The following FCHSD2 variants were observed in gnomAD, a reference collection of about 807,000 sequenced individuals.
The protein encoded by FCHSD2 is F-BAR and double SH3 domains protein 2.
Under a neutral mutation model 108.1 loss-of-function variants are expected in FCHSD2, and 38 were observed. The observed-to-expected ratio is 0.35, with a 90% CI of 0.27 to 0.46. The LOEUF is 0.46. Among genes scored for constraint, FCHSD2 ranks in the 20% least tolerant of loss-of-function variants. The pLI is 1.00. For synonymous variants in FCHSD2, 279 were observed against 314.7 expected, an observed-to-expected ratio of 0.89 and a Z score of 1.20; for missense variants, 751 against 897.8, an observed-to-expected ratio of 0.84 and a Z score of 2.09.
chr11:72,973,126 T>C (rs1399781572), intron 8 of FCHSD2, among the ~76,000 whole-genome samples: 1 of 152,068 alleles, frequency 6.6e-6, no homozygotes, highest in African/African-American at 2.4e-5. Flanking sequence ...CCCAGCACCT[T>C]GGAGGCCAAG....
At chr11:73,061,875 G>A (rs1859172685) in intron 3 of FCHSD2, among the ~76,000 whole-genome samples, 1 of 152,154 alleles carries the variant, frequency 6.6e-6, no homozygotes, top group Non-Finnish European at 1.5e-5. Flanking sequence ...GGCAGCTGTG[G>A]GCACAGCTTC....
chr11:72,927,418 C>G (rs1318274546), intron 8 of FCHSD2, among the ~76,000 whole-genome samples: 1 of 152,088 alleles, frequency 6.6e-6, no homozygotes, highest in South Asian at 2.1e-4. Flanking sequence ...AGTGTAGGTT[C>G]ATCAATTGCA....
In FCHSD2 at chr11:73,066,677, T is replaced by C. The variant is rs184379086; in HGVS notation, c.165+17018A>G. On this transcript the variant is annotated intron_variant, in intron 3 of 19. Transcript: ENST00000409418. ...AAACCATCAAAAAGTAGGCAAAGGA[T>C]ATGAACAGACAGTTCTCAAAAGAAG... Among the ~76,000 whole-genome samples the C allele has an allele frequency of 1.2e-3, 189 of 151,484 alleles. 1 individual carries two copies. Among genetic ancestry groups the C allele is most frequent in the African/African-American group, 4.0e-3 (166 of 41,348 alleles).
At chr11:72,900,311 T>G in intron 10 of FCHSD2, 6 of 1,547,818 alleles carry the variant, frequency 3.9e-6, no homozygotes, top group Non-Finnish European at 3.5e-6. Flanking sequence ...TATCCACCAG[T>G]TGGGCGGCTT....
intron 8 of FCHSD2, among the ~76,000 whole-genome samples, chr11:72,932,015 T>C: frequency 6.6e-6 from 1 of 152,230 alleles, no homozygotes; most frequent in South Asian, 2.1e-4. Context: ...CCTCTTAGAC[T>C]GAATCATTCT....
intron 13 of FCHSD2, among the ~76,000 whole-genome samples, chr11:72,856,762 G>A (rs1043945225): frequency 4.6e-5 from 7 of 152,112 alleles, no homozygotes; most frequent in African/African-American, 1.7e-4. Flanking sequence ...CTAGTTAGGA[G>A]CATAATATTC....
intron 12 of FCHSD2, among the ~76,000 whole-genome samples, chr11:72,870,699 T>G (rs1264866103): frequency 6.6e-6 from 1 of 151,802 alleles, no homozygotes; most frequent in African/African-American, 2.4e-5. Context: ...AGGAGATCGA[T>G]ACCATCCTGG....
Position 73,083,070 on chromosome 11 carries a change from T to C in FCHSD2, c.165+625A>G, listed in dbSNP as rs542665551. Among the ~76,000 whole-genome samples, 11 of 152,234 alleles carry C rather than the reference T, an allele frequency of 7.2e-5. No individual in the cohort carries two copies. In the South Asian group the frequency reaches 1.9e-3, roughly 26 times the overall value. On this transcript the variant is annotated intron_variant, in intron 3 of 19. Coordinates refer to ENST00000409418, the MANE Select transcript of FCHSD2 (RefSeq NM_014824.3). ...TGAGAACTAAATGCGTGATGAAAAA[T>C]TAACCTTTCATAAACTGCAGAGAAT...
intron 10 of FCHSD2, among the ~76,000 whole-genome samples, chr11:72,893,259 T>C (rs1855354510): frequency 6.6e-6 from 1 of 152,128 alleles, no homozygotes; most frequent in Admixed American, 6.5e-5. Flanking sequence ...GTTCTTGGCC[T>C]CCCAAAGTGC....
chr11:72,848,936 GA>G (rs1048864320), intron 14 of FCHSD2, among the ~76,000 whole-genome samples: 5 of 151,874 alleles, frequency 3.3e-5, no homozygotes, highest in African/African-American at 1.2e-4. Context: ...ATTTACATTG[GA>G]AAAAAATGCT....
At chr11:72,976,740 T>C (rs775285929) in intron 8 of FCHSD2, among the ~76,000 whole-genome samples, 1 of 152,014 alleles carries the variant, frequency 6.6e-6, no homozygotes, top group Non-Finnish European at 1.5e-5. Flanking sequence ...GAACCCAGAA[T>C]CAAATCCATA....
At chr11:72,977,135 G>A (rs958802240) in intron 8 of FCHSD2, among the ~76,000 whole-genome samples, 1 of 152,048 alleles carries the variant, frequency 6.6e-6, no homozygotes, top group Non-Finnish European at 1.5e-5. Context: ...ATATTGGCCA[G>A]GTGGTCTTGA....
intron 3 of FCHSD2, among the ~76,000 whole-genome samples, chr11:73,072,422 TTTTTTAAAACTTCCTTTAATGAAG>T (rs1376592807): frequency 6.6e-6 from 1 of 152,080 alleles, no homozygotes; most frequent in African/African-American, 2.4e-5. Context: ...TTTAATGAAG[TTTTTTAAAACTTCCTTTAATGAAG>T]TTTTTAAAAA....
At chr11:73,042,890 T>C (rs969370396) in intron 3 of FCHSD2, among the ~76,000 whole-genome samples, 54 of 152,222 alleles carry the variant, frequency 3.5e-4, no homozygotes, top group African/African-American at 1.3e-3. Flanking sequence ...TACTGATTTT[T>C]GTATGGTGAT....
At chr11:73,089,213 T>TA (rs1326951022) in intron 2 of FCHSD2, among the ~76,000 whole-genome samples, 3 of 152,212 alleles carry the variant, frequency 2.0e-5, no homozygotes, top group Admixed American at 2.0e-4. Flanking sequence ...AGGCATTTGC[T>TA]AAAATTCTGA....
intron 8 of FCHSD2, among the ~76,000 whole-genome samples, chr11:72,976,928 CTT>C (rs572931672): frequency 1.1e-4 from 16 of 141,720 alleles, no homozygotes; most frequent in Admixed American, 1.4e-4. Flanking sequence ...AACTATGAAA[CTT>C]TTTTTTTTTT....
intron 12 of FCHSD2, among the ~76,000 whole-genome samples, chr11:72,874,001 C>T (rs1854917187): frequency 6.6e-6 from 1 of 152,122 alleles, no homozygotes; most frequent in Non-Finnish European, 1.5e-5. Context: ...CTGAGTTCAC[C>T]CTATAAAAGC....
At chr11:72,914,054 G>A (rs140817195) in intron 9 of FCHSD2, among the ~76,000 whole-genome samples, 1,822 of 152,040 alleles carry the variant, frequency 0.012, 38 homozygotes, top group African/African-American at 0.042. Flanking sequence ...TCTCACTGTC[G>A]CCCAGGCTAG....
chr11:72,883,180 A>C (rs987395745), intron 12 of FCHSD2, among the ~76,000 whole-genome samples: 2 of 152,214 alleles, frequency 1.3e-5, no homozygotes, highest in Non-Finnish European at 2.9e-5. Context: ...ATTTAACTAG[A>C]AATGTTTAGG....
Sources: allele counts gnomAD v4.1 joint callset (sites outside exome capture counted in the v4.1 genomes callset), GRCh38; gene constraint gnomAD v4.1.1; transcripts MANE v1.5; gene names NCBI Gene and HGNC (gene_info 2026-07-23, HGNC 2026-07-21).